DCC: variants seen among roughly 807,000 people sequenced by gnomAD.
The protein encoded by DCC is netrin receptor DCC.
Under a neutral mutation model 172.5 loss-of-function variants are expected in DCC, and 58 were observed. The observed-to-expected ratio is 0.34, with a 90% CI of 0.27 to 0.42. The LOEUF is 0.42. DCC is among the 10% of genes least tolerant of loss of function. The probability of loss-of-function intolerance (pLI) is 1.00; values close to 1 mark genes in which losing one functional copy is unlikely to be tolerated. For missense variants in DCC, 1,740 were observed against 1,791.0 expected, an observed-to-expected ratio of 0.97 and a Z score of 0.51; for synonymous variants, 709 against 644.5, an observed-to-expected ratio of 1.10 and a Z score of -1.52.
At chr18:52,870,812 A>C (rs962516696) in intron 2 of DCC, among the ~76,000 whole-genome samples, 1 of 151,718 alleles carries the variant, frequency 6.6e-6, no homozygotes, top group Non-Finnish European at 1.5e-5. Flanking sequence ...TCTTGGAAAA[A>C]ATCTTAACCT....
intron 12 of DCC, among the ~76,000 whole-genome samples, chr18:53,260,464 T>C (rs569864988): frequency 6.6e-6 from 1 of 152,210 alleles, no homozygotes; most frequent in African/African-American, 2.4e-5. Flanking sequence ...TTGCTGGAGG[T>C]CCACTCCAGA....
chr18:52,970,682 T>C (rs796520669), intron 5 of DCC, among the ~76,000 whole-genome samples: 27 of 152,288 alleles, frequency 1.8e-4, no homozygotes, highest in African/African-American at 6.3e-4. Context: ...ATTATAAATA[T>C]AGCATGGGGT....
At position 53,305,513 on chromosome 18, in the gene DCC, TC is replaced by T. The variant is rs2057189431; in HGVS notation, c.1912-64del. 3 of 1,395,364 alleles carry T rather than the reference TC, an allele frequency of 2.1e-6. No individual in the cohort carries two copies. The South Asian group carries it at 3.5e-5, about 16-fold the overall frequency. 86.4% of individuals were successfully genotyped at this position (1,395,364 alleles called of 1,614,324 possible). On this transcript the variant is annotated intron_variant, in intron 12 of 28. Transcript: ENST00000442544. Reference sequence around the variant, plus strand: ...TCTTCACACTTACGTTTGGGTTACTTCTTTGACCCTGTCCCATTGTCCTTTC... The same window carrying T: ...TCTTCACACTTACGTTTGGGTTACTTTTTGACCCTGTCCCATTGTCCTTTC...
In DCC at chr18:53,042,975, C is replaced by G. The variant is rs544631383; in HGVS notation, c.986-20330C>G. On this transcript the variant is annotated intron_variant, in intron 5 of 28. Transcript: ENST00000442544. ...AGCAATTCCATTACTGGGCATATAC[C>G]CAAAGGATTATAAATCATTCTTCTA... is the stretch of plus-strand genomic sequence containing the variant. Among the ~76,000 whole-genome samples the G allele has an allele frequency of 4.6e-5, 7 of 151,842 alleles. No individual in the cohort carries two copies. The East Asian group carries it at 1.4e-3, about 30-fold the overall frequency.
Position 53,427,937 on chromosome 18 carries a change from A to G in DCC, c.3164-7207A>G, listed in dbSNP as rs1215186434. On this transcript the variant is annotated intron_variant, in intron 21 of 28. Coordinates refer to ENST00000442544, the MANE Select transcript of DCC (RefSeq NM_005215.4). The stretch of plus-strand genomic sequence containing the variant: ...AATAATATAATATATAATATAATAT[A>G]ATATATTATAATATATAATATAATA... 1.9e-4 allele frequency among the ~76,000 whole-genome samples: 10 copies of G among 53,168 alleles called. No individual in the cohort carries two copies. The East Asian group carries it at 2.2e-3, about 12-fold the overall frequency. The allele number at this position is 53,168 out of a possible 152,430, so 34.9% of individuals were successfully genotyped here.
At chr18:52,609,107 G>A (rs2034196669) in intron 1 of DCC, among the ~76,000 whole-genome samples, 1 of 152,100 alleles carries the variant, frequency 6.6e-6, no homozygotes, top group African/African-American at 2.4e-5. Context: ...ATATAAAGGT[G>A]TGCTTTTCTA....
intron 2 of DCC, among the ~76,000 whole-genome samples, chr18:52,868,360 TA>T (rs2039262847): frequency 6.6e-6 from 1 of 152,140 alleles, no homozygotes; most frequent in Admixed American, 6.5e-5. Flanking sequence ...CTCCCAGAAG[TA>T]GGCTAAGATT....
chr18:53,387,560 C>T (rs1278186655), intron 16 of DCC, among the ~76,000 whole-genome samples: 1 of 152,072 alleles, frequency 6.6e-6, no homozygotes, highest in Non-Finnish European at 1.5e-5. Flanking sequence ...GTGTTATCTC[C>T]AAATATAGAA....
At chr18:53,392,508 T>C (rs1022891100) in intron 17 of DCC, among the ~76,000 whole-genome samples, 4 of 152,110 alleles carry the variant, frequency 2.6e-5, no homozygotes, top group African/African-American at 9.7e-5. Flanking sequence ...CTTTAAGAGC[T>C]CCTCAGAGAT....
At position 52,372,729 on chromosome 18, in the gene DCC, C is replaced by T. The variant is rs147680666; in HGVS notation, c.91+31851C>T. On this transcript the variant is annotated intron_variant, in intron 1 of 28. Coordinates refer to ENST00000442544, the MANE Select transcript of DCC (RefSeq NM_005215.4). ...GTTCCCTCACCCACCCTCTTTCTCACCTCCTAGCTTAGATATCAAAGTATT... is the reference window on the plus strand; with the variant it reads ...GTTCCCTCACCCACCCTCTTTCTCATCTCCTAGCTTAGATATCAAAGTATT... Among the ~76,000 whole-genome samples, 494 of 152,264 alleles carry T rather than the reference C, an allele frequency of 3.2e-3. 1 individual carries two copies. Among genetic ancestry groups the T allele is most frequent in the Non-Finnish European group, 6.0e-3 (405 of 68,022 alleles).
At position 53,140,741 on chromosome 18, in the gene DCC, G is replaced by A. The variant is rs374433322; in HGVS notation, c.1262-16615G>A. ...GCTGAGGGAAAAAGAGAAGGAAAAT[G>A]TCAGTGTGTGGTAATATAGGAGGTT... On this transcript the variant is annotated intron_variant, in intron 7 of 28. Coordinates refer to ENST00000442544, the MANE Select transcript of DCC (RefSeq NM_005215.4). Among the ~76,000 whole-genome samples the A allele has an allele frequency of 3.9e-5, 6 of 152,180 alleles. No homozygotes were observed. In the East Asian group the frequency reaches 1.2e-3, roughly 29 times the overall value.
intron 7 of DCC, among the ~76,000 whole-genome samples, chr18:53,144,690 C>T (rs1354330359): frequency 6.6e-6 from 1 of 152,180 alleles, no homozygotes; most frequent in East Asian, 1.9e-4. Flanking sequence ...TATCTATTCA[C>T]TTCTGAATTT....
At chr18:52,852,738 ACTT>A (rs1432262100) in intron 2 of DCC, among the ~76,000 whole-genome samples, 1 of 152,130 alleles carries the variant, frequency 6.6e-6, no homozygotes, top group African/African-American at 2.4e-5. Flanking sequence ...AACACTGGAA[ACTT>A]CTTATTCTCC....
chr18:52,801,457 A>T (rs984486773), intron 2 of DCC, among the ~76,000 whole-genome samples: 7 of 152,202 alleles, frequency 4.6e-5, no homozygotes, highest in African/African-American at 1.7e-4. Flanking sequence ...TGAAAAAAAA[A>T]TTGCCTCACA....
At chr18:53,508,744 T>C (rs908507226) in intron 27 of DCC, among the ~76,000 whole-genome samples, 1 of 152,204 alleles carries the variant, frequency 6.6e-6, no homozygotes, top group Non-Finnish European at 1.5e-5. Flanking sequence ...TTTCATCACC[T>C]TATGAGAGAC....
At chr18:53,088,345 A>G (rs893032738) in intron 7 of DCC, among the ~76,000 whole-genome samples, 12 of 152,090 alleles carry the variant, frequency 7.9e-5, no homozygotes, top group Admixed American at 4.6e-4. Context: ...ATTCCTAGGT[A>G]TTTCATTCCC....
At chr18:53,233,215 G>A (rs146654934) in intron 12 of DCC, among the ~76,000 whole-genome samples, 8 of 152,030 alleles carry the variant, frequency 5.3e-5, no homozygotes, top group African/African-American at 1.9e-4. Flanking sequence ...ACATGTTGAC[G>A]TTCTCCCGTT....
chr18:52,656,034 A>ATATG, intron 1 of DCC, among the ~76,000 whole-genome samples: 1 of 144,788 alleles, frequency 6.9e-6, no homozygotes, highest in Non-Finnish European at 1.5e-5. Context: ...ATATGTATAT[A>ATATG]TGTGTGTATA....
chr18:52,909,854 G>A (rs2039944290), intron 3 of DCC, among the ~76,000 whole-genome samples: 3 of 152,154 alleles, frequency 2.0e-5, no homozygotes. Context: ...TGTGCTGTGA[G>A]AGAAGAAAAC....
Sources: allele counts gnomAD v4.1 joint callset (sites outside exome capture counted in the v4.1 genomes callset), GRCh38; gene constraint gnomAD v4.1.1; transcripts MANE v1.5; gene names NCBI Gene and HGNC (gene_info 2026-07-23, HGNC 2026-07-21).